The following GRM8 variants were observed in gnomAD, a reference collection of about 807,000 sequenced individuals.
GRM8 encodes metabotropic glutamate receptor 8.
GRM8 carries 47 observed loss-of-function variants against 87.2 expected under a neutral mutation model. The observed-to-expected ratio is 0.54, with a 90% CI of 0.43 to 0.69. The LOEUF is 0.69. Among genes scored for constraint, GRM8 ranks in the 30% least tolerant of loss-of-function variants. The probability of loss-of-function intolerance (pLI) is 0.00; values close to 1 mark genes in which losing one functional copy is unlikely to be tolerated. For synonymous variants in GRM8, 396 were observed against 404.5 expected (o/e 0.98, Z 0.25); for missense variants, 1,019 against 1,139.2 (o/e 0.89, Z 1.52).
intron 2 of GRM8, among the ~76,000 whole-genome samples, chr7:127,240,699 G>T (rs1233412224): frequency 6.6e-6 from 1 of 152,144 alleles, no homozygotes; most frequent in African/African-American, 2.4e-5. Context: ...GAAAAGAGAT[G>T]CCTTGGAGCA....
At chr7:127,135,796 G>A (rs143380451) in intron 2 of GRM8, among the ~76,000 whole-genome samples, 18 of 151,962 alleles carry the variant, frequency 1.2e-4, no homozygotes, top group Admixed American at 3.9e-4. Flanking sequence ...TTCTCCATTT[G>A]GTTTGCTCCA....
chr7:126,467,918 T>C (rs775703972), intron 9 of GRM8, among the ~76,000 whole-genome samples: 1 of 152,042 alleles, frequency 6.6e-6, no homozygotes, highest in African/African-American at 2.4e-5. Flanking sequence ...CATGTGGAAA[T>C]TGGTCTCATG....
intron 2 of GRM8, among the ~76,000 whole-genome samples, chr7:127,132,740 G>A (rs1256125637): frequency 6.6e-6 from 1 of 152,080 alleles, no homozygotes; most frequent in African/African-American, 2.4e-5. Context: ...AGCAGGGGAA[G>A]AGCTGATGTA....
chr7:127,227,354 T>A (rs574642362), intron 2 of GRM8, among the ~76,000 whole-genome samples: 61 of 152,322 alleles, frequency 4.0e-4, no homozygotes, highest in African/African-American at 1.5e-3. Flanking sequence ...TCTTCGGACA[T>A]AAATAATATC....
intron 7 of GRM8, among the ~76,000 whole-genome samples, chr7:126,696,833 A>G (rs1809436316): frequency 6.6e-6 from 1 of 152,132 alleles, no homozygotes; most frequent in African/African-American, 2.4e-5. Flanking sequence ...TCCACCCAGG[A>G]AGTGAAACCA....
chr7:126,642,319 T>C (rs2095868004), intron 7 of GRM8, among the ~76,000 whole-genome samples: 1 of 152,190 alleles, frequency 6.6e-6, no homozygotes, highest in African/African-American at 2.4e-5. Context: ...TTATTTCTAA[T>C]TGTGATTTAA....
chr7:126,960,860 G>T (rs1482393745), intron 3 of GRM8, among the ~76,000 whole-genome samples: 1 of 151,980 alleles, frequency 6.6e-6, no homozygotes, highest in Non-Finnish European at 1.5e-5. Context: ...GAATTGAGTG[G>T]GATCTCAAAT....
At chr7:127,209,981 T>A (rs1263170711) in intron 2 of GRM8, among the ~76,000 whole-genome samples, 2 of 151,980 alleles carry the variant, frequency 1.3e-5, no homozygotes, top group Non-Finnish European at 2.9e-5. Context: ...CCTAGGAGGC[T>A]CTCGTGTCCT....
intron 8 of GRM8, among the ~76,000 whole-genome samples, chr7:126,557,872 A>G (rs1302133546): frequency 6.6e-6 from 1 of 152,172 alleles, no homozygotes; most frequent in Non-Finnish European, 1.5e-5. Flanking sequence ...CACATGGTGA[A>G]TACCAAAAAG....
intron 9 of GRM8, among the ~76,000 whole-genome samples, chr7:126,477,318 G>A (rs1216909030): frequency 6.6e-6 from 1 of 151,940 alleles, no homozygotes; most frequent in African/African-American, 2.4e-5. Context: ...GATTTAATGT[G>A]GCAGCATGGT....
chr7:126,650,943 C>T (rs1397848812), intron 7 of GRM8, among the ~76,000 whole-genome samples: 2 of 152,018 alleles, frequency 1.3e-5, no homozygotes, highest in African/African-American at 2.4e-5. Flanking sequence ...GCTGAGTGCC[C>T]GATTTGCCAG....
chr7:126,627,189 A>G (rs1563029533), intron 7 of GRM8, among the ~76,000 whole-genome samples: 3 of 152,154 alleles, frequency 2.0e-5, no homozygotes, highest in Non-Finnish European at 4.4e-5. Context: ...CTTTTTCTGT[A>G]TCAGTCTTAT....
chr7:127,182,910 G>C (rs1186855623), intron 2 of GRM8, among the ~76,000 whole-genome samples: 1 of 151,376 alleles, frequency 6.6e-6, no homozygotes, highest in African/African-American at 2.4e-5. Context: ...GAGTGGGAGG[G>C]GGACTAGGGA....
chr7:126,518,328 G>C (rs930548849), intron 9 of GRM8, among the ~76,000 whole-genome samples: 2 of 152,048 alleles, frequency 1.3e-5, no homozygotes, highest in African/African-American at 4.8e-5. Context: ...TGACAAACAA[G>C]AAGTAATGAT....
At chr7:126,972,872 A>G (rs959883709) in intron 3 of GRM8, among the ~76,000 whole-genome samples, 1 of 152,228 alleles carries the variant, frequency 6.6e-6, no homozygotes, top group African/African-American at 2.4e-5. Flanking sequence ...TAGTATATTT[A>G]GTTACCATAG....
At chr7:126,903,023 A>T (rs1203465621) in intron 5 of GRM8, among the ~76,000 whole-genome samples, 1 of 152,200 alleles carries the variant, frequency 6.6e-6, no homozygotes, top group Non-Finnish European at 1.5e-5. Flanking sequence ...GAATACTTAG[A>T]ACCCAACTTA....
intron 7 of GRM8, among the ~76,000 whole-genome samples, chr7:126,749,540 A>T (rs1377168794): frequency 6.7e-6 from 1 of 150,226 alleles, no homozygotes; most frequent in Non-Finnish European, 1.5e-5. Flanking sequence ...ATATAAACAA[A>T]TATTACATAT....
chr7:126,539,006 A>G (rs1439966056), intron 8 of GRM8, among the ~76,000 whole-genome samples: 1 of 152,030 alleles, frequency 6.6e-6, no homozygotes, highest in African/African-American at 2.4e-5. Context: ...AAAGAAAACA[A>G]TATTTATCTC....
At chr7:126,742,895 T>C (rs1182413762) in intron 7 of GRM8, among the ~76,000 whole-genome samples, 1 of 152,122 alleles carries the variant, frequency 6.6e-6, no homozygotes, top group Non-Finnish European at 1.5e-5. Flanking sequence ...CTGGCTTTCC[T>C]TTAGATTTCA....
Sources: allele counts gnomAD v4.1 joint callset (sites outside exome capture counted in the v4.1 genomes callset), GRCh38; gene constraint gnomAD v4.1.1; transcripts MANE v1.5; gene names NCBI Gene and HGNC (gene_info 2026-07-23, HGNC 2026-07-21).